Variants in PIDD1 observed in about 807,000 individuals in gnomAD.
PIDD1 encodes p53-induced death domain-containing protein 1.
PIDD1 carries 72 observed loss-of-function variants against 80.0 expected under a neutral mutation model. That is an observed-to-expected ratio of 0.90 (90% CI 0.74 to 1.09). The LOEUF is 1.09. Among genes scored for constraint, PIDD1 ranks in the 50% least tolerant of loss-of-function variants. The probability of loss-of-function intolerance (pLI) is 0.00; values close to 1 mark genes in which losing one functional copy is unlikely to be tolerated. For missense variants in PIDD1, 1,329 were observed against 1,228.3 expected (o/e 1.08, Z -1.23); for synonymous variants, 655 against 543.5 (o/e 1.21, Z -2.85).
In PIDD1 at chr11:804,337, C is replaced by G. The variant is rs765763096; in HGVS notation, c.52G>C (p.Asp18His). 28 of 1,610,376 alleles carry G rather than the reference C, an allele frequency of 1.7e-5. No homozygotes were observed. The highest frequency in any genetic ancestry group is 2.2e-5 in the Non-Finnish European group (26 of 1,178,386). Residue 18 changes from aspartate (D) to histidine (H), a missense_variant, in exon 2 of 16, where the codon GAT (aspartate) becomes CAT (histidine). Asp to His is a moderately conservative substitution (Grantham distance 81, BLOSUM62 -1). Coordinates refer to ENST00000347755, the MANE Select transcript of PIDD1 (RefSeq NM_145886.4). The part of the protein sequence containing the change: ...PELEAAAAAG[D>H]ASEDSDAGSR... ...CCTGCGTCCGAATCCTCTGAAGCAT[C>G]TCCTGCGGCAGCAGCTGCCTCCAGC...
chr11:805,323 T>TG (rs1481572952), upstream of PIDD1: 2 of 681,954 alleles, frequency 2.9e-6, no homozygotes, highest in African/African-American at 3.9e-5. Context: ...TCCGCCGGGC[T>TG]GGGGTCCACG....
In PIDD1 at chr11:802,720, G is replaced by GGA; in HGVS notation, c.880_881insTC (p.Pro294LeufsTer27). On this transcript the variant is annotated frameshift_variant, in exon 4 of 16. Coordinates refer to ENST00000347755, the MANE Select transcript of PIDD1 (RefSeq NM_145886.4). LOFTEE classifies it high-confidence loss of function. Reference sequence around the variant, plus strand: ...GGCGTCTGGCGAGGCCTCACCCAGGGGGTTCCCCTGCAGGCGCACAAAGGG... The same window carrying GGA: ...GGCGTCTGGCGAGGCCTCACCCAGGGGAGGTTCCCCTGCAGGCGCACAAAGGG... 6.2e-7 allele frequency: 1 copy of GGA among 1,611,964 alleles called. No individual in the cohort carries two copies. The highest frequency in any genetic ancestry group is 8.5e-7 in the Non-Finnish European group (1 of 1,179,506).
At chr11:804,611 C>A in intron 1 of PIDD1, 148 bp from the exon 2 acceptor site, 1 of 736,612 alleles carries the variant, frequency 1.4e-6, no homozygotes, top group East Asian at 3.0e-5. Flanking sequence ...TCACCCTGAA[C>A]CCCGGAGGCC....
At position 803,219 on chromosome 11, in the gene PIDD1, G is replaced by A; in HGVS notation, c.664C>T (p.Leu222Phe). Reference sequence around the variant, plus strand: ...TGCAGCCGGTTGGAGGCCAGGTTGAGCTCCAGGAGGCTGCCCAGGCCTCCA... The same window carrying A: ...TGCAGCCGGTTGGAGGCCAGGTTGAACTCCAGGAGGCTGCCCAGGCCTCCA... ...EIGGLGSLLE[L>F]NLASNRLQSL... The change falls in exon 3 of 16, where the codon CTC becomes TTC. Residue 222 changes from leucine to phenylalanine, a missense_variant. Coordinates refer to ENST00000347755, the MANE Select transcript of PIDD1 (RefSeq NM_145886.4). The A allele has an allele frequency of 6.2e-7, 1 of 1,611,622 alleles. No individual in the cohort carries two copies. Among genetic ancestry groups the A allele is most frequent in the Non-Finnish European group, 8.5e-7 (1 of 1,179,714 alleles).
chr11:807,323 T>TA (rs1198127186), upstream of PIDD1, among the ~76,000 whole-genome samples: 1 of 136,952 alleles, frequency 7.3e-6, no homozygotes, highest in Admixed American at 7.7e-5. Context: ...CTGTCTCTAC[T>TA]AAAAAATTAG....
At chr11:807,981 C>T (rs1865863589), upstream of PIDD1, among the ~76,000 whole-genome samples, 3 of 152,232 alleles carry the variant, frequency 2.0e-5, no homozygotes, top group South Asian at 6.2e-4. Flanking sequence ...AAAAGCCAGA[C>T]ACAAAAGGCA....
chr11:808,088 A>G (rs1279100854), upstream of PIDD1, among the ~76,000 whole-genome samples: 3 of 151,296 alleles, frequency 2.0e-5, no homozygotes, highest in Admixed American at 2.0e-4. Flanking sequence ...GGAGCAGGGA[A>G]TAGGGACTTT....
chr11:799,734 T>C, intron 15 of PIDD1, 81 bp downstream of exon 15: 1 of 1,390,888 alleles, frequency 7.2e-7, no homozygotes, highest in South Asian at 1.4e-5. Flanking sequence ...TGGAAGAAAC[T>C]TCTGTCAGAA....
In PIDD1 at chr11:802,345, G is replaced by A; in HGVS notation, c.1026C>T (p.Arg342=). ...GCSVTLACGV[R]LQFPAGATAT... ...CGGTGGCTCCCGCTGGGAACTGCAGGCGGACGCCACAGGCCAGGGTCACTG... is the reference window on the plus strand; with the variant it reads ...CGGTGGCTCCCGCTGGGAACTGCAGACGGACGCCACAGGCCAGGGTCACTG... The change falls in exon 6 of 16, where the codon CGC becomes CGT. Residue 342 remains arginine, a synonymous_variant. Coordinates refer to ENST00000347755, the MANE Select transcript of PIDD1 (RefSeq NM_145886.4). The A allele has an allele frequency of 6.2e-7, 1 of 1,611,914 alleles. No homozygotes were observed. Among genetic ancestry groups the A allele is most frequent in the East Asian group, 2.2e-5 (1 of 44,888 alleles).
upstream of PIDD1, chr11:805,237 C>G (rs1403709560): frequency 2.0e-6 from 2 of 982,828 alleles, no homozygotes; most frequent in Non-Finnish European, 1.2e-6. Context: ...CGCCTGGGAT[C>G]CCGCCGGCGC....
rs1299009242 is a variant in PIDD1, at chr11:802,093, G to A, written c.1177-3C>T. On this transcript the variant is annotated splice_region_variant and splice_polypyrimidine_tract_variant and intron_variant, in intron 6 of 15. Coordinates refer to ENST00000347755, the MANE Select transcript of PIDD1 (RefSeq NM_145886.4). ...AAGAGCAGCCACAGCCCCACATCCT[G>A]CCAGACAAGGATGGTGTGAGCACTG... 6.3e-7 allele frequency: 1 copy of A among 1,575,832 alleles called. No individual in the cohort carries two copies. The highest frequency in any genetic ancestry group is 2.3e-5 in the East Asian group (1 of 43,180).
Position 799,584 on chromosome 11 carries a change from C to A in PIDD1, c.2475-19G>T, listed in dbSNP as rs150597726. ...ATCATCCCTGCAGGCAGAGGATGGG[C>A]GACAGAGGGGTCCTGTCCACCTGCC... On this transcript the variant is annotated intron_variant, in intron 15 of 15. Transcript: ENST00000347755. The A allele has an allele frequency of 2.7e-5, 42 of 1,578,912 alleles. No homozygotes were observed. Among genetic ancestry groups the A allele is most frequent in the Non-Finnish European group, 3.4e-5 (40 of 1,166,646 alleles).
rs752781775 is a variant in PIDD1 at position 800,151 on chromosome 11, T to G, written c.2254A>C (p.Thr752Pro). Residue 752 changes from threonine (T) to proline (P), a missense_variant, in exon 14 of 16, where the codon ACT becomes CCT. Physicochemically the swap from Thr to Pro is conservative, Grantham distance 38. Coordinates refer to ENST00000347755, the MANE Select transcript of PIDD1 (RefSeq NM_145886.4). ...CCCACCGGCAGCTTGATGGGCAGAG[T>G]GGCCATCCACAGGGCGTCTGCGCCC... The part of the protein sequence containing the change: ...RKGADALWMA[T>P]LPIKLPRLRG... 1 of 1,610,260 alleles carries G rather than the reference T, an allele frequency of 6.2e-7. No individual in the cohort carries two copies. The highest frequency in any genetic ancestry group is 2.2e-5 in the East Asian group (1 of 44,796).
At position 804,145 on chromosome 11, in the gene PIDD1, G is replaced by C. The variant is rs1308413209; in HGVS notation, c.244C>G (p.Leu82Val). 2 of 1,613,154 alleles carry C rather than the reference G, an allele frequency of 1.2e-6. No individual in the cohort carries two copies. The highest frequency in any genetic ancestry group is 4.5e-5 in the East Asian group (2 of 44,878). ...HEDPQLLEAT[L>V]AQLPQSLSCL... ...GACAGGCTCTGAGGCAGCTGGGCCAGGGTGGCCTCCAGCAGCTGAGGGTCC... is the reference window on the plus strand; with the variant it reads ...GACAGGCTCTGAGGCAGCTGGGCCACGGTGGCCTCCAGCAGCTGAGGGTCC... The change falls in exon 2 of 16, where the codon CTG becomes GTG. Residue 82 changes from leucine to valine, a missense_variant. Transcript: ENST00000347755.
rs1249290493 is a variant in PIDD1 at position 801,947 on chromosome 11, G to A, written c.1302+18C>T. ...AGCAGCTCTCCACTCGCCACCGGCA[G>A]GCCTGGGTGGCCCTCACCTGGGGTG... is the stretch of plus-strand genomic sequence containing the variant. On this transcript the variant is annotated intron_variant, in intron 7 of 15. Coordinates refer to ENST00000347755, the MANE Select transcript of PIDD1 (RefSeq NM_145886.4). 1 of 1,597,130 alleles carries A rather than the reference G, an allele frequency of 6.3e-7. No individual in the cohort carries two copies. The highest frequency in any genetic ancestry group is 1.7e-5 in the Admixed American group (1 of 58,536).
chr11:802,982 ACT>A, intron 3 of PIDD1, 91 bp from the exon 4 acceptor site: 1 of 1,162,370 alleles, frequency 8.6e-7, no homozygotes, highest in South Asian at 1.4e-5. Flanking sequence ...GCTGTTTCAG[ACT>A]CTCCTCCACA....
intron 6 of PIDD1, 23 bp downstream of exon 6, chr11:802,172 C>G: frequency 6.3e-7 from 1 of 1,576,846 alleles, no homozygotes; most frequent in Non-Finnish European, 8.6e-7. Flanking sequence ...CCACACACTG[C>G]CCCCGCCACG....
Position 799,879 on chromosome 11 carries a change from G to C in PIDD1, c.2410C>G (p.Pro804Ala). Residue 804 changes from proline (P) to alanine (A), a missense_variant, in exon 15 of 16, where the codon CCA becomes GCA. Pro to Ala is a conservative substitution (Grantham distance 27). Transcript: ENST00000347755. ...SVAGRLGLDWPAVALHLGVSY... is the reference protein window; with the variant it reads ...SVAGRLGLDWAAVALHLGVSY... ...ACCCCCAGGTGCAGGGCCACGGCTG[G>C]CCAGTCCAGACCCAGACGCCCAGCC... The C allele has an allele frequency of 6.2e-7, 1 of 1,611,574 alleles. No individual in the cohort carries two copies. The highest frequency in any genetic ancestry group is 8.5e-7 in the Non-Finnish European group (1 of 1,179,734).
Position 801,633 on chromosome 11 carries a change from G to GC in PIDD1, c.1303-10_1303-9insG. Reference sequence around the variant, plus strand: ...CAGTGAGCCCAGAGCCGCTGGGATGGGGGAGAGAGGAGGTCACAGGAGCCT... The same window carrying GC: ...CAGTGAGCCCAGAGCCGCTGGGATGGCGGGAGAGAGGAGGTCACAGGAGCCT... On this transcript the variant is annotated splice_polypyrimidine_tract_variant and intron_variant, in intron 7 of 15. Coordinates refer to ENST00000347755, the MANE Select transcript of PIDD1 (RefSeq NM_145886.4). 2 of 1,553,120 alleles carry GC rather than the reference G, an allele frequency of 1.3e-6. No individual in the cohort carries two copies. Among genetic ancestry groups the GC allele is most frequent in the Non-Finnish European group, 1.7e-6 (2 of 1,147,932 alleles).
Sources: allele counts gnomAD v4.1 joint callset (sites outside exome capture counted in the v4.1 genomes callset), GRCh38; gene constraint gnomAD v4.1.1; transcripts MANE v1.5; gene names NCBI Gene and HGNC (gene_info 2026-07-23, HGNC 2026-07-21).